Variants in CEP83 observed in about 807,000 individuals in gnomAD.
CEP83 encodes centrosomal protein 83.
A neutral mutation model predicts 101.9 loss-of-function variants in CEP83; 70 were observed. That is an observed-to-expected ratio of 0.69 (90% CI 0.57 to 0.84). CEP83 has a LOEUF of 0.84. CEP83 is among the 40% of genes least tolerant of loss of function. The pLI is 0.00. For synonymous variants in CEP83, 264 were observed against 267.9 expected (o/e 0.99, Z 0.14); for missense variants, 715 against 787.2 (o/e 0.91, Z 1.10).
At chr12:94,368,639 TAGC>T (rs1277886554) in intron 9 of CEP83, 2 of 153,350 alleles carry the variant, frequency 1.3e-5, no homozygotes, top group African/African-American at 4.8e-5. Flanking sequence ...GCTAGATCTC[TAGC>T]AGAAGTATAA....
At chr12:94,370,545 T>C (rs1276684537) in intron 8 of CEP83, among the ~76,000 whole-genome samples, 1 of 152,150 alleles carries the variant, frequency 6.6e-6, no homozygotes, top group Non-Finnish European at 1.5e-5. Flanking sequence ...CTCAGATAAT[T>C]TTTCAATTTT....
At chr12:94,382,695 T>G (rs1260352769) in intron 6 of CEP83, among the ~76,000 whole-genome samples, 1 of 151,988 alleles carries the variant, frequency 6.6e-6, no homozygotes, top group Non-Finnish European at 1.5e-5. Context: ...TTGATTCTAT[T>G]GTGGTCAGAA....
intron 1 of CEP83, among the ~76,000 whole-genome samples, chr12:94,436,641 G>A (rs1253750278): frequency 6.6e-6 from 1 of 151,944 alleles, no homozygotes; most frequent in Non-Finnish European, 1.5e-5. Context: ...GACCATCCTG[G>A]CTAACATGGT....
intron 2 of CEP83, among the ~76,000 whole-genome samples, chr12:94,419,431 A>G (rs571061129): frequency 6.6e-6 from 1 of 152,300 alleles, no homozygotes; most frequent in African/African-American, 2.4e-5. Context: ...ATTCTCCCCA[A>G]TCTACAGATG....
At chr12:94,354,099 T>C (rs1051217151) in intron 11 of CEP83, among the ~76,000 whole-genome samples, 6 of 152,148 alleles carry the variant, frequency 3.9e-5, no homozygotes, top group Admixed American at 6.5e-5. Flanking sequence ...GAAAGAAACA[T>C]AGATTTAAAC....
At chr12:94,395,231 T>C (rs1203181378) in intron 6 of CEP83, among the ~76,000 whole-genome samples, 3 of 152,050 alleles carry the variant, frequency 2.0e-5, no homozygotes, top group Non-Finnish European at 4.4e-5. Context: ...AAATACCTAA[T>C]GTAAATGATG....
chr12:94,438,235 A>G (rs2066142078), intron 1 of CEP83, among the ~76,000 whole-genome samples: 1 of 151,982 alleles, frequency 6.6e-6, no homozygotes, highest in African/African-American at 2.4e-5. Context: ...AAAAGAAAAA[A>G]AAAAAAGATG....
chr12:94,360,256 G>C (rs2060684988), intron 11 of CEP83, among the ~76,000 whole-genome samples: 1 of 152,036 alleles, frequency 6.6e-6, no homozygotes, highest in Admixed American at 6.5e-5. Context: ...ATTCAACACA[G>C]CACTGGAAAT....
chr12:94,362,134 T>A (rs1301917628), intron 11 of CEP83, among the ~76,000 whole-genome samples: 1 of 152,224 alleles, frequency 6.6e-6, no homozygotes, highest in Non-Finnish European at 1.5e-5. Context: ...TGAAAAATTG[T>A]TCAACATAAC....
chr12:94,376,423 A>T (rs1449113717), intron 7 of CEP83, among the ~76,000 whole-genome samples: 1 of 151,894 alleles, frequency 6.6e-6, no homozygotes, highest in Non-Finnish European at 1.5e-5. Context: ...GATAGTAACA[A>T]GTAAAAATTG....
rs573281370 is a variant in CEP83 at position 94,352,230 on chromosome 12, C to T, written c.1343+15564G>A. Among the ~76,000 whole-genome samples, 40 of 151,956 alleles carry T rather than the reference C, an allele frequency of 2.6e-4. 1 individual carries two copies. Among genetic ancestry groups the T allele is most frequent in the Non-Finnish European group, 4.4e-5 (3 of 67,964 alleles). ...GGTCAGGAGTTTGAGAACAGCCTGG[C>T]CAACATACTGAAACCCCGTCTCTAC... On this transcript the variant is annotated intron_variant, in intron 11 of 16. Transcript: ENST00000397809.
intron 11 of CEP83, among the ~76,000 whole-genome samples, chr12:94,364,496 T>A (rs2060925530): frequency 6.6e-6 from 1 of 152,004 alleles, no homozygotes; most frequent in African/African-American, 2.4e-5. Flanking sequence ...ATAATAATGG[T>A]ACAGGCGCCT....
chr12:94,444,074 T>G (rs1359878923), intron 1 of CEP83, among the ~76,000 whole-genome samples: 1 of 152,092 alleles, frequency 6.6e-6, no homozygotes, highest in Non-Finnish European at 1.5e-5. Context: ...TGCTAACCAA[T>G]TATGCATGCG....
chr12:94,357,503 G>A (rs2060536379), intron 11 of CEP83, among the ~76,000 whole-genome samples: 1 of 152,192 alleles, frequency 6.6e-6, no homozygotes, highest in Non-Finnish European at 1.5e-5. Flanking sequence ...TCCGATTTCG[G>A]GAAATGCCAT....
intron 14 of CEP83, among the ~76,000 whole-genome samples, chr12:94,323,147 G>A (rs2058820202): frequency 6.6e-6 from 1 of 152,124 alleles, no homozygotes; most frequent in South Asian, 2.1e-4. Flanking sequence ...TGGTAGTGGG[G>A]CCTGCAGACT....
the CEP83 span, among the ~76,000 whole-genome samples, chr12:94,281,595 A>G: frequency 1.1e-5 from 1 of 92,278 alleles, no homozygotes; most frequent in Non-Finnish European, 2.2e-5. Flanking sequence ...ACTTTTAAAA[A>G]AAATTTTATA....
At position 94,424,321 on chromosome 12, in the gene CEP83, T is replaced by C. The variant is rs2065017658; in HGVS notation, c.-102+10954A>G. The C allele has an allele frequency of 2.2e-5, 35 of 1,614,018 alleles. No homozygotes were observed. The South Asian group carries it at 3.7e-4, about 17-fold the overall frequency. ...GTTTCTTTGGCCCGCCATCAGCAAA[T>C]TTGCAAAGCAAGGGATCGGATGGGG... On this transcript the variant is annotated intron_variant, in intron 2 of 16. Transcript: ENST00000397809.
chr12:94,292,307 T>G, the CEP83 span, among the ~76,000 whole-genome samples: 3 of 152,142 alleles, frequency 2.0e-5, no homozygotes. Context: ...GGTCATTGTC[T>G]CGGAAGGGAC....
chr12:94,454,735 G>A (rs555632962), intron 1 of CEP83, among the ~76,000 whole-genome samples: 3 of 152,190 alleles, frequency 2.0e-5, no homozygotes, highest in Non-Finnish European at 4.4e-5. Context: ...ACGAAGGTCC[G>A]CAGCTTCACT....
Sources: gnomAD v4.1 joint callset for allele counts (sites outside exome capture counted in the v4.1 genomes callset) on GRCh38, gnomAD v4.1.1 for gene constraint, MANE v1.5 for transcripts, NCBI Gene and HGNC (gene_info 2026-07-23, HGNC 2026-07-21) for gene names.